The following TTC39B variants were observed in gnomAD, a reference collection of about 807,000 sequenced individuals.
The protein encoded by TTC39B is tetratricopeptide repeat domain 39B.
TTC39B carries 92 observed loss-of-function variants against 96.6 expected under a neutral mutation model. The observed-to-expected ratio is 0.95, with a 90% CI of 0.80 to 1.13. The LOEUF (loss-of-function observed/expected upper bound fraction) is 1.13, where lower values mean the gene tolerates loss of function less well. TTC39B is among the 50% of genes most tolerant of loss of function. The pLI is 0.00. For missense variants in TTC39B, 955 were observed against 809.3 expected, an observed-to-expected ratio of 1.18 and a Z score of -2.18; for synonymous variants, 367 against 299.4, an observed-to-expected ratio of 1.23 and a Z score of -2.33.
chr9:15,265,210 AAAAACTGCTTGC>A (rs1823087858), intron 2 of TTC39B, among the ~76,000 whole-genome samples: 1 of 152,132 alleles, frequency 6.6e-6, no homozygotes, highest in Non-Finnish European at 1.5e-5. Flanking sequence ...TAGATGTTAA[AAAAACTGCTTGC>A]AATGCCTTCC....
exon 20 of TTC39B, chr9:15,168,349 G>C (rs1020939967): frequency 1.4e-5 from 2 of 145,474 alleles, no homozygotes; most frequent in East Asian, 4.2e-4. Context: ...AACATCACTG[G>C]AGTCTTCGTC....
At chr9:15,210,437 C>T (rs960135602) in intron 5 of TTC39B, among the ~76,000 whole-genome samples, 1 of 152,262 alleles carries the variant, frequency 6.6e-6, no homozygotes, top group African/African-American at 2.4e-5. Context: ...AGTACCTTCC[C>T]TTATCCCTAT....
At chr9:15,211,710 C>T (rs1002022474) in intron 4 of TTC39B, among the ~76,000 whole-genome samples, 6 of 152,172 alleles carry the variant, frequency 3.9e-5, no homozygotes, top group African/African-American at 7.2e-5. Context: ...GGGCAGCACA[C>T]GGCCTTTGGC....
At chr9:15,260,086 G>T (rs1030953931) in intron 2 of TTC39B, among the ~76,000 whole-genome samples, 1 of 151,924 alleles carries the variant, frequency 6.6e-6, no homozygotes, top group Non-Finnish European at 1.5e-5. Context: ...ATATATATGA[G>T]ATATAAATTA....
At chr9:15,291,287 C>T (rs900681247) in intron 1 of TTC39B, among the ~76,000 whole-genome samples, 1 of 152,216 alleles carries the variant, frequency 6.6e-6, no homozygotes, top group African/African-American at 2.4e-5. Flanking sequence ...CAGGGCAAGT[C>T]TTTTCTGTGC....
In TTC39B at chr9:15,254,962, G is replaced by C. The variant is rs528893822; in HGVS notation, c.275+12952C>G. Among the ~76,000 whole-genome samples, 116 of 150,928 alleles carry C rather than the reference G, an allele frequency of 7.7e-4. 1 individual carries two copies. The South Asian group carries it at 0.024, about 31-fold the overall frequency. ...AATAAATAAAAATCAAAAGCTTATA[G>C]CTGTATTGCCTACAGGGGAGACCAA... On this transcript the variant is annotated intron_variant, in intron 2 of 19. Transcript: ENST00000512701.
At chr9:15,231,093 T>C (rs1449035969) in intron 2 of TTC39B, among the ~76,000 whole-genome samples, 1 of 152,224 alleles carries the variant, frequency 6.6e-6, no homozygotes, top group Non-Finnish European at 1.5e-5. Context: ...GTGGAATTGC[T>C]ACATTATGTG....
intron 1 of TTC39B, among the ~76,000 whole-genome samples, chr9:15,271,698 T>C (rs183476296): frequency 4.9e-4 from 74 of 152,280 alleles, no homozygotes; most frequent in Non-Finnish European, 6.8e-4. Flanking sequence ...GGCTCAGGCA[T>C]TGGGGACCCC....
intron 8 of TTC39B, among the ~76,000 whole-genome samples, chr9:15,197,971 C>G (rs903746894): frequency 4.6e-5 from 7 of 152,076 alleles, no homozygotes; most frequent in Non-Finnish European, 8.8e-5. Context: ...AGCTGACACC[C>G]TCTAAGAAAT....
chr9:15,277,933 G>C (rs1323542470), intron 1 of TTC39B, among the ~76,000 whole-genome samples: 1 of 152,124 alleles, frequency 6.6e-6, no homozygotes, highest in Non-Finnish European at 1.5e-5. Flanking sequence ...TGATTCTTCG[G>C]AATTTCCAAC....
chr9:15,257,737 C>T (rs376441349), intron 2 of TTC39B, among the ~76,000 whole-genome samples: 8 of 150,262 alleles, frequency 5.3e-5, no homozygotes, highest in South Asian at 4.3e-4. Flanking sequence ...CATGAGCCAC[C>T]GTGCCTGACG....
At chr9:15,174,981 T>G (rs541534451) in intron 19 of TTC39B, 38 bp downstream of exon 19, 11 of 1,347,132 alleles carry the variant, frequency 8.2e-6, no homozygotes, top group South Asian at 5.8e-5. Flanking sequence ...CATTTCTGAC[T>G]CCATAACAAT....
intron 2 of TTC39B, among the ~76,000 whole-genome samples, chr9:15,239,744 T>C (rs564330398): frequency 6.6e-6 from 1 of 152,184 alleles, no homozygotes; most frequent in East Asian, 1.9e-4. Context: ...TAACAGACAC[T>C]TGGTACTCCA....
intron 1 of TTC39B, among the ~76,000 whole-genome samples, chr9:15,272,213 A>C (rs1367950711): frequency 1.3e-5 from 2 of 152,248 alleles, no homozygotes; most frequent in East Asian, 3.9e-4. Flanking sequence ...GCTATTCCAC[A>C]GTCTCCCACC....
At chr9:15,202,597 A>G (rs995435318) in intron 7 of TTC39B, among the ~76,000 whole-genome samples, 3 of 151,994 alleles carry the variant, frequency 2.0e-5, no homozygotes, top group African/African-American at 7.3e-5. Flanking sequence ...CTGTAATCCC[A>G]GCTACTCGGG....
At position 15,216,598 on chromosome 9, in the gene TTC39B, T is replaced by C. The variant is rs144529286; in HGVS notation, c.372-2349A>G. On this transcript the variant is annotated intron_variant, in intron 3 of 19. Transcript: ENST00000512701. ...TTTTGTCAGTGTTACATTCTGAACATCTCTTGAATTTATCCTGTCTCATCT... is the reference window on the plus strand; with the variant it reads ...TTTTGTCAGTGTTACATTCTGAACACCTCTTGAATTTATCCTGTCTCATCT... 7.2e-4 allele frequency among the ~76,000 whole-genome samples: 110 copies of C among 152,340 alleles called. 1 individual carries two copies. The East Asian group carries it at 0.02, about 28-fold the overall frequency.
chr9:15,249,198 G>A (rs1480428884), intron 2 of TTC39B: 2 of 152,140 alleles, frequency 1.3e-5, no homozygotes, highest in African/African-American at 4.8e-5. Flanking sequence ...TCCAAAGGGG[G>A]AAAATGGGAC....
At chr9:15,216,148 C>T (rs1820504252) in intron 3 of TTC39B, among the ~76,000 whole-genome samples, 1 of 152,160 alleles carries the variant, frequency 6.6e-6, no homozygotes, top group African/African-American at 2.4e-5. Flanking sequence ...TTTTTTCTCC[C>T]ACCATTATTA....
At chr9:15,298,875 G>A (rs375763663) in intron 1 of TTC39B, among the ~76,000 whole-genome samples, 24 of 152,092 alleles carry the variant, frequency 1.6e-4, no homozygotes, top group African/African-American at 4.6e-4. Context: ...ACCTTATCCC[G>A]CTATTCCCTC....
Sources: allele counts gnomAD v4.1 joint callset (sites outside exome capture counted in the v4.1 genomes callset), GRCh38; gene constraint gnomAD v4.1.1; transcripts MANE v1.5; gene names NCBI Gene and HGNC (gene_info 2026-07-23, HGNC 2026-07-21).